SEMA3D: variants seen among roughly 807,000 people sequenced by gnomAD.
SEMA3D encodes the protein semaphorin-3D.
In SEMA3D, 84 loss-of-function variants were observed where a neutral mutation model predicts 100.1. The ratio of observed to expected loss-of-function variants is 0.84; its 90% CI spans 0.70 to 1.01. SEMA3D has a LOEUF of 1.01. Ranked by LOEUF, SEMA3D falls within the 50% of genes least tolerant of loss-of-function variation. SEMA3D has a pLI of 0.00. For synonymous variants in SEMA3D, 312 were observed against 320.7 expected, an observed-to-expected ratio of 0.97 and a Z score of 0.29; for missense variants, 875 against 934.1, an observed-to-expected ratio of 0.94 and a Z score of 0.82.
chr7:85,056,862 C>T (rs1235328394), intron 8 of SEMA3D, among the ~76,000 whole-genome samples: 1 of 139,928 alleles, frequency 7.1e-6, no homozygotes, highest in Non-Finnish European at 1.5e-5. Context: ...TGATGTCATA[C>T]TGAAATTTAT....
intron 2 of SEMA3D, among the ~76,000 whole-genome samples, chr7:85,151,993 A>C (rs570613429): frequency 1.2e-4 from 18 of 152,058 alleles, no homozygotes; most frequent in Non-Finnish European, 2.2e-4. Context: ...TCTTGACTGA[A>C]TATATGAAAA....
At chr7:85,232,192 G>A in the SEMA3D span, among the ~76,000 whole-genome samples, 1 of 152,166 alleles carries the variant, frequency 6.6e-6, no homozygotes, top group Non-Finnish European at 1.5e-5. Flanking sequence ...CAGCCTATCA[G>A]TGCTGGGGAA....
At chr7:85,242,564 C>T in the SEMA3D span, among the ~76,000 whole-genome samples, 10 of 152,094 alleles carry the variant, frequency 6.6e-5, no homozygotes, top group Admixed American at 6.6e-4. Context: ...TTTAGTGGTA[C>T]TGTTGACTTA....
Position 85,109,334 on chromosome 7 carries a change from A to C in SEMA3D, c.152-11369T>G, listed in dbSNP as rs538852562. Among the ~76,000 whole-genome samples the C allele has an allele frequency of 2.0e-5, 3 of 152,102 alleles. No homozygotes were observed. In the South Asian group the frequency reaches 6.2e-4, roughly 32 times the overall value. ...AATTCTAAGCCCCATCACCCATTAC[A>C]GCTATATTTTATATTTTAATGTTTA... is the stretch of plus-strand genomic sequence containing the variant. On this transcript the variant is annotated intron_variant, in intron 3 of 18. Transcript: ENST00000284136.
the SEMA3D span, among the ~76,000 whole-genome samples, chr7:85,204,347 T>TAAAA: frequency 4.2e-5 from 6 of 144,160 alleles, no homozygotes; most frequent in African/African-American, 1.3e-4. Flanking sequence ...CTAATACAGT[T>TAAAA]AAAAAAAAAA....
chr7:85,224,450 T>C, the SEMA3D span, among the ~76,000 whole-genome samples: 3 of 152,156 alleles, frequency 2.0e-5, no homozygotes, highest in Admixed American at 1.3e-4. Flanking sequence ...AACTATGTAA[T>C]AGGAAAGTTA....
intron 5 of SEMA3D, among the ~76,000 whole-genome samples, chr7:85,081,245 T>C (rs1414089481): frequency 6.6e-6 from 1 of 152,210 alleles, no homozygotes; most frequent in Admixed American, 6.5e-5. Flanking sequence ...AATACTTTAA[T>C]GTGTTTCTAA....
At position 84,995,690 on chromosome 7, in the gene SEMA3D, G is replaced by A. The variant is rs1789480114; in HGVS notation, c.*3750C>T. 1 of 151,928 alleles carries A rather than the reference G, an allele frequency of 6.6e-6. No homozygotes were observed. Among genetic ancestry groups the A allele is most frequent in the East Asian group, 1.9e-4 (1 of 5,190 alleles). The allele number at this position is 151,928 out of a possible 1,614,324, so 9.4% of individuals were successfully genotyped here. ...CAGAATTATAAATTCAAAATTGATT[G>A]CTAACCACTCACAATACCAGAATTA... is the stretch of plus-strand genomic sequence containing the variant. On this transcript the variant is annotated 3_prime_UTR_variant, in exon 19 of 19. Transcript: ENST00000284136.
At chr7:85,097,780 C>A (rs757329699) in intron 4 of SEMA3D, 25 bp downstream of exon 4, 10 of 1,373,486 alleles carry the variant, frequency 7.3e-6, no homozygotes, top group South Asian at 1.4e-5. Flanking sequence ...TGAATTTAAC[C>A]AAATGTATAT....
chr7:85,066,946 A>AG (rs1583889292), intron 7 of SEMA3D, among the ~76,000 whole-genome samples: 4 of 149,588 alleles, frequency 2.7e-5, no homozygotes, highest in African/African-American at 9.9e-5. Context: ...AGAGAGAGAG[A>AG]ACTCCAGCTA....
the SEMA3D span, among the ~76,000 whole-genome samples, chr7:85,231,642 G>A: frequency 6.6e-6 from 1 of 151,898 alleles, no homozygotes; most frequent in Admixed American, 6.5e-5. Flanking sequence ...AGTAGAGACA[G>A]GGTTTCACTG....
chr7:85,043,285 G>C (rs1036264319), intron 9 of SEMA3D, among the ~76,000 whole-genome samples: 2 of 152,062 alleles, frequency 1.3e-5, no homozygotes, highest in Non-Finnish European at 2.9e-5. Flanking sequence ...CTTAAGCCCA[G>C]GGGGTTGAGG....
At chr7:85,133,519 T>C (rs1562830554) in intron 2 of SEMA3D, among the ~76,000 whole-genome samples, 3 of 152,024 alleles carry the variant, frequency 2.0e-5, no homozygotes, top group African/African-American at 7.2e-5. Flanking sequence ...AATTTTTAAA[T>C]ACAGAGTTCA....
intron 2 of SEMA3D, among the ~76,000 whole-genome samples, chr7:85,136,596 C>T (rs1789873974): frequency 6.6e-6 from 1 of 151,990 alleles, no homozygotes; most frequent in Admixed American, 6.6e-5. Context: ...ATACAATTGT[C>T]TACAATATGT....
intron 18 of SEMA3D, among the ~76,000 whole-genome samples, chr7:85,004,886 G>T (rs1009730465): frequency 2.0e-5 from 3 of 151,904 alleles, no homozygotes; most frequent in Non-Finnish European, 4.4e-5. Context: ...AGTAAAATTC[G>T]ATAAGTATTT....
chr7:85,028,646 T>A (rs1790459551), intron 12 of SEMA3D: 1 of 205,588 alleles, frequency 4.9e-6, no homozygotes, highest in Non-Finnish European at 9.7e-6. Context: ...TTGCTAAACA[T>A]ACTCTTCCAG....
chr7:85,137,374 GGT>G (rs905754548), intron 2 of SEMA3D, among the ~76,000 whole-genome samples: 6 of 151,498 alleles, frequency 4.0e-5, no homozygotes, highest in Admixed American at 2.6e-4. Context: ...CATACATAGG[GGT>G]GTGTGTGTGT....
chr7:85,025,259 C>T (rs965714353), intron 12 of SEMA3D, among the ~76,000 whole-genome samples: 4 of 151,968 alleles, frequency 2.6e-5, no homozygotes, highest in East Asian at 2.0e-4. Flanking sequence ...TTGTAAAATA[C>T]TCAAAGACAG....
intron 1 of SEMA3D, among the ~76,000 whole-genome samples, chr7:85,174,172 A>G (rs1227887680): frequency 1.3e-5 from 2 of 152,114 alleles, no homozygotes; most frequent in Non-Finnish European, 2.9e-5. Flanking sequence ...AAGACTACAA[A>G]TAGGTCCTTT....
Sources: allele counts gnomAD v4.1 joint callset (sites outside exome capture counted in the v4.1 genomes callset), GRCh38; gene constraint gnomAD v4.1.1; transcripts MANE v1.5; gene names NCBI Gene and HGNC (gene_info 2026-07-23, HGNC 2026-07-21).